Variants in PPARGC1A observed in about 807,000 individuals in gnomAD.
The protein encoded by PPARGC1A is PPARG coactivator 1 alpha, also known as peroxisome proliferator-activated receptor gamma coactivator 1-alpha.
In PPARGC1A, 25 loss-of-function variants were observed where a neutral mutation model predicts 88.7. That is an observed-to-expected ratio of 0.28 (90% CI 0.21 to 0.39). The LOEUF is 0.39. PPARGC1A is among the 10% of genes least tolerant of loss of function. The probability of loss-of-function intolerance (pLI) is 1.00; values close to 1 mark genes in which losing one functional copy is unlikely to be tolerated. For synonymous variants in PPARGC1A, 363 were observed against 355.6 expected (o/e 1.02, Z -0.24); for missense variants, 880 against 968.7 (o/e 0.91, Z 1.22).
chr4:24,393,465 C>T, the PPARGC1A span, among the ~76,000 whole-genome samples: 1 of 152,212 alleles, frequency 6.6e-6, no homozygotes, highest in Non-Finnish European at 1.5e-5. Context: ...ATAACATACG[C>T]ACCCTTGCAC....
the PPARGC1A span, among the ~76,000 whole-genome samples, chr4:23,938,080 G>A: frequency 6.6e-6 from 1 of 151,882 alleles, no homozygotes; most frequent in East Asian, 1.9e-4. Flanking sequence ...GGTCCTATGA[G>A]ATCCAGAGTA....
At chr4:24,377,411 A>G in the PPARGC1A span, among the ~76,000 whole-genome samples, 1 of 152,094 alleles carries the variant, frequency 6.6e-6, no homozygotes, top group Non-Finnish European at 1.5e-5. Flanking sequence ...TCAATTTCCA[A>G]AGTTGACGTT....
chr4:24,158,481 C>G, the PPARGC1A span, among the ~76,000 whole-genome samples: 40 of 152,298 alleles, frequency 2.6e-4, no homozygotes, highest in East Asian at 7.7e-3. Flanking sequence ...AAATGGCCAA[C>G]TTTTAAAATC....
the PPARGC1A span, among the ~76,000 whole-genome samples, chr4:23,993,670 G>C: frequency 6.6e-6 from 1 of 152,060 alleles, no homozygotes; most frequent in African/African-American, 2.4e-5. Context: ...GCTCATCAGG[G>C]CTACAGGCAG....
intron 2 of PPARGC1A, among the ~76,000 whole-genome samples, chr4:23,833,244 C>T (rs1170105903): frequency 1.3e-5 from 2 of 152,192 alleles, no homozygotes; most frequent in Non-Finnish European, 2.9e-5. Context: ...ATTCTATGCA[C>T]GTGGACAACC....
chr4:24,129,590 T>G, the PPARGC1A span, among the ~76,000 whole-genome samples: 2 of 152,184 alleles, frequency 1.3e-5, no homozygotes, highest in Admixed American at 6.5e-5. Context: ...AGTGTGGCAA[T>G]TCCTCAGGGA....
At chr4:24,447,377 A>C in the PPARGC1A span, among the ~76,000 whole-genome samples, 1 of 152,172 alleles carries the variant, frequency 6.6e-6, no homozygotes, top group African/African-American at 2.4e-5. Flanking sequence ...AAGTGAGACA[A>C]TCAGGGAAGC....
chr4:24,009,860 C>T, the PPARGC1A span, among the ~76,000 whole-genome samples: 1 of 152,174 alleles, frequency 6.6e-6, no homozygotes, highest in Non-Finnish European at 1.5e-5. Context: ...GTCAGTTTAA[C>T]CTGCTATTTT....
the PPARGC1A span, among the ~76,000 whole-genome samples, chr4:23,970,706 C>G: frequency 6.6e-6 from 1 of 152,164 alleles, no homozygotes; most frequent in African/African-American, 2.4e-5. Flanking sequence ...AATACTTTAA[C>G]TGCAGCTAAG....
At chr4:23,989,659 T>C in the PPARGC1A span, among the ~76,000 whole-genome samples, 1 of 152,036 alleles carries the variant, frequency 6.6e-6, no homozygotes, top group African/African-American at 2.4e-5. Flanking sequence ...TGTTGCTCAA[T>C]ACATATTTAC....
chr4:24,363,438 T>C, the PPARGC1A span, among the ~76,000 whole-genome samples: 1 of 152,246 alleles, frequency 6.6e-6, no homozygotes, highest in Non-Finnish European at 1.5e-5. Flanking sequence ...TGATTAATGT[T>C]ATTAACGTAA....
chr4:24,310,511 G>T, the PPARGC1A span, among the ~76,000 whole-genome samples: 2 of 152,156 alleles, frequency 1.3e-5, no homozygotes, highest in African/African-American at 2.4e-5. Flanking sequence ...TGTTTTTCTG[G>T]TCTGAAGAAT....
chr4:24,099,239 A>G, the PPARGC1A span, among the ~76,000 whole-genome samples: 5 of 146,214 alleles, frequency 3.4e-5, no homozygotes, highest in African/African-American at 1.3e-4. Flanking sequence ...GCTATACGAT[A>G]TATTTGAGGG....
the PPARGC1A span, among the ~76,000 whole-genome samples, chr4:23,979,910 T>A: frequency 2.6e-5 from 4 of 152,110 alleles, no homozygotes; most frequent in Non-Finnish European, 5.9e-5. Flanking sequence ...TGGAGAACCA[T>A]CCCTCTCTCT....
At chr4:23,874,785 G>A (rs755640415) in intron 2 of PPARGC1A, among the ~76,000 whole-genome samples, 10 of 152,178 alleles carry the variant, frequency 6.6e-5, no homozygotes, top group Non-Finnish European at 1.2e-4. Flanking sequence ...CACAGCAACT[G>A]CTTTTGGTCA....
the PPARGC1A span, among the ~76,000 whole-genome samples, chr4:24,220,935 C>T: frequency 6.6e-6 from 1 of 152,050 alleles, no homozygotes; most frequent in Non-Finnish European, 1.5e-5. Context: ...CTAGGAACTA[C>T]TAAAAGAAAT....
At chr4:24,019,434 T>G in the PPARGC1A span, among the ~76,000 whole-genome samples, 2 of 152,200 alleles carry the variant, frequency 1.3e-5, no homozygotes, top group African/African-American at 4.8e-5. Flanking sequence ...AAGTACTATT[T>G]CTAGATCTCC....
At chr4:24,360,358 C>T in the PPARGC1A span, among the ~76,000 whole-genome samples, 23 of 152,150 alleles carry the variant, frequency 1.5e-4, no homozygotes, top group Non-Finnish European at 2.8e-4. Context: ...CTCATCCTTC[C>T]TTGGAACTCT....
chr4:23,824,538 T>C, intron 5 of PPARGC1A, 30 bp from the exon 6 acceptor site: 1 of 1,528,320 alleles, frequency 6.5e-7, no homozygotes, highest in Non-Finnish European at 8.9e-7. Flanking sequence ...ACTAATTATG[T>C]AATATTGAGT....
Sources: allele counts gnomAD v4.1 joint callset (sites outside exome capture counted in the v4.1 genomes callset), GRCh38; gene constraint gnomAD v4.1.1; transcripts MANE v1.5; gene names NCBI Gene and HGNC (gene_info 2026-07-23, HGNC 2026-07-21).